ALOXE3: variants seen among roughly 807,000 people sequenced by gnomAD.
The protein encoded by ALOXE3 is arachidonate epidermal lipoxygenase 3, also known as hydroperoxide isomerase ALOXE3.
Under a neutral mutation model 87.5 loss-of-function variants are expected in ALOXE3, and 78 were observed. The observed-to-expected ratio is 0.89, with a 90% CI of 0.74 to 1.08. The LOEUF is 1.08. Ranked by LOEUF, ALOXE3 falls within the 50% of genes least tolerant of loss-of-function variation. ALOXE3 has a pLI of 0.00. For synonymous variants in ALOXE3, 363 were observed against 370.8 expected (o/e 0.98, Z 0.24); for missense variants, 946 against 912.4 (o/e 1.04, Z -0.47).
intron 6 of ALOXE3, among the ~76,000 whole-genome samples, chr17:8,114,046 A>T (rs1325227932): frequency 2.7e-5 from 4 of 147,194 alleles, no homozygotes; most frequent in Non-Finnish European, 4.5e-5. Flanking sequence ...AAAAAAAGTG[A>T]TGTGCCCTGA....
At chr17:8,111,830 C>T (rs1980117672) in intron 7 of ALOXE3, among the ~76,000 whole-genome samples, 1 of 151,124 alleles carries the variant, frequency 6.6e-6, no homozygotes, top group Non-Finnish European at 1.5e-5. Flanking sequence ...GATCAAGATT[C>T]CCTAAATGAC....
chr17:8,110,163 T>A lies in ALOXE3; in HGVS notation c.1234A>T (p.Thr412Ser), dbSNP rs1161912606. ...VHENNTHFLCTHLLCEAFAMA... is the reference protein window; with the variant it reads ...VHENNTHFLCSHLLCEAFAMA... ...GCGAAGGCCTCGCACAGCAAATGCG[T>A]GCACAGAAAGTGCGTGTTGTTTTCG... Residue 412 changes from threonine to serine, a missense_variant, in exon 10 of 16, where the codon ACG becomes TCG. Coordinates refer to ENST00000448843, the MANE Select transcript of ALOXE3 (RefSeq NM_021628.3). The A allele has an allele frequency of 6.2e-7, 1 of 1,614,032 alleles. No individual in the cohort carries two copies. The highest frequency in any genetic ancestry group is 1.7e-5 in the Admixed American group (1 of 60,020).
Position 8,109,291 on chromosome 17 carries a change from G to T in ALOXE3, c.1445C>A (p.Ala482Asp). The T allele has an allele frequency of 1.2e-6, 2 of 1,614,082 alleles. No homozygotes were observed. The highest frequency in any genetic ancestry group is 1.3e-5 in the African/African-American group (1 of 75,060). ...GCAGAAATTGGTGTAGGTGAAGTGG[G>T]CCAGGCCCGTGCTCATGAGGTAGAT... Reference protein sequence around the residue: ...GLIYLMSTGLAHFTYTNFCLP... With the variant: ...GLIYLMSTGLDHFTYTNFCLP... Residue 482 changes from alanine (A) to aspartate (D), a missense_variant, in exon 12 of 16, where the codon GCC (alanine) becomes GAC (aspartate). Transcript: ENST00000448843.
intron 4 of ALOXE3, 86 bp from the exon 5 acceptor site, chr17:8,115,143 A>T: frequency 1.6e-5 from 24 of 1,543,270 alleles, no homozygotes; most frequent in Non-Finnish European, 2.1e-5. Context: ...TCAGATTAAA[A>T]CTTCAAAAAC....
chr17:8,096,641 T>C lies in ALOXE3; in HGVS notation c.2122A>G (p.Ser708Gly). 1 of 1,409,710 alleles carries C rather than the reference T, an allele frequency of 7.1e-7. No homozygotes were observed. The highest frequency in any genetic ancestry group is 1.4e-5 in the African/African-American group (1 of 70,794). 87.3% of individuals were successfully genotyped at this position (1,409,710 alleles called of 1,614,324 possible). The change falls in exon 16 of 16, where the codon AGC becomes GGC. Residue 708 changes from serine (S) to glycine (G), a missense_variant. Physicochemically the swap from Ser to Gly is moderately conservative, Grantham distance 56. Coordinates refer to ENST00000448843, the MANE Select transcript of ALOXE3 (RefSeq NM_021628.3). The part of the protein sequence containing the change: ...TYLDPPLIEN[S>G]VSI Reference sequence around the variant, plus strand: ...TTTGGGGGTGGTTAGATGGAGACGCTGTTCTCAATGAGGGGAGGGTCCAGG... The same window carrying C: ...TTTGGGGGTGGTTAGATGGAGACGCCGTTCTCAATGAGGGGAGGGTCCAGG...
Position 8,101,871 on chromosome 17 carries a change from C to T in ALOXE3, c.1956+1452G>A, listed in dbSNP as rs184506704. Among the ~76,000 whole-genome samples, 1,050 of 152,256 alleles carry T rather than the reference C, an allele frequency of 6.9e-3. 13 individuals are homozygous for T. The highest frequency in any genetic ancestry group is 0.023 in the African/African-American group (970 of 41,556). On this transcript the variant is annotated intron_variant, in intron 15 of 15. Coordinates refer to ENST00000448843, the MANE Select transcript of ALOXE3 (RefSeq NM_021628.3). ...CCTAGGCTGCTCTTGAATTCCTAGG[C>T]TCAAGCAATCCACCGGCCTCAGCCT...
rs1435301763 is a variant in ALOXE3, at chr17:8,114,984, T to G, written c.508A>C (p.Lys170Gln). 6.2e-7 allele frequency: 1 copy of G among 1,614,100 alleles called. No individual in the cohort carries two copies. The highest frequency in any genetic ancestry group is 1.1e-5 in the South Asian group (1 of 91,068). Residue 170 changes from lysine (K) to glutamine (Q), a missense_variant, in exon 5 of 16, where the codon AAA becomes CAA. Coordinates refer to ENST00000448843, the MANE Select transcript of ALOXE3 (RefSeq NM_021628.3). ...NSFQEMESDK[K>Q]FALTKTTTCV... is the part of the protein sequence containing the mutation. Reference sequence around the variant, plus strand: ...GTTGTCGTCTTTGTCAAGGCAAATTTCTTGTCTGACTCCATCTCCTGAAAG... The same window carrying G: ...GTTGTCGTCTTTGTCAAGGCAAATTGCTTGTCTGACTCCATCTCCTGAAAG...
At chr17:8,097,669 G>A (rs978197775) in intron 15 of ALOXE3, among the ~76,000 whole-genome samples, 2 of 151,068 alleles carry the variant, frequency 1.3e-5, no homozygotes, top group Non-Finnish European at 2.9e-5. Context: ...TCACGACAAC[G>A]CAGAGGTCCA....
chr17:8,113,628 G>A (rs185127854), intron 6 of ALOXE3, among the ~76,000 whole-genome samples: 159 of 152,150 alleles, frequency 1.0e-3, no homozygotes, highest in African/African-American at 3.5e-3. Context: ...ACTCCAGCCT[G>A]AGCAACAGAG....
At chr17:8,108,014 A>G (rs566137219) in intron 13 of ALOXE3, among the ~76,000 whole-genome samples, 2 of 73,096 alleles carry the variant, frequency 2.7e-5, no homozygotes, top group East Asian at 2.6e-4. Flanking sequence ...AAAGAAAGAA[A>G]GAAAGAAAGA....
At position 8,109,391 on chromosome 17, in the gene ALOXE3, C is replaced by CT. The variant is rs776788351; in HGVS notation, c.1393-49dup. 5.0e-6 allele frequency: 8 copies of CT among 1,603,394 alleles called. No individual in the cohort carries two copies. In the African/African-American group the frequency reaches 9.4e-5, roughly 19 times the overall value. ...CTCCCGGGCCGGCCCAATCCCCACC[C>CT]TAGTGTCTGGGCACGAGATGGGGCT... On this transcript the variant is annotated intron_variant, in intron 11 of 15. Coordinates refer to ENST00000448843, the MANE Select transcript of ALOXE3 (RefSeq NM_021628.3).
chr17:8,107,791 TCCG>T (rs1979439685), intron 13 of ALOXE3, among the ~76,000 whole-genome samples: 1 of 96,372 alleles, frequency 1.0e-5, no homozygotes, highest in Non-Finnish European at 2.2e-5. Context: ...AGAGGGAGAC[TCCG>T]TCTCAAAAAA....
chr17:8,096,451 C>T lies in ALOXE3; in HGVS notation c.*176G>A. 1 of 641,896 alleles carries T rather than the reference C, an allele frequency of 1.6e-6. No individual in the cohort carries two copies. 39.8% of individuals were successfully genotyped at this position (641,896 alleles called of 1,614,324 possible). On this transcript the variant is annotated 3_prime_UTR_variant, in exon 16 of 16. Coordinates refer to ENST00000448843, the MANE Select transcript of ALOXE3 (RefSeq NM_021628.3). ...ACGCTGCTGTGCTGGTCTCTCACAGCTCAGGGCCCAGTTTGTATGATGTCA... is the reference window on the plus strand; with the variant it reads ...ACGCTGCTGTGCTGGTCTCTCACAGTTCAGGGCCCAGTTTGTATGATGTCA...
Position 8,109,259 on chromosome 17 carries a change from C to T in ALOXE3, c.1477G>A (p.Asp493Asn), listed in dbSNP as rs1215078505. 1.9e-6 allele frequency: 3 copies of T among 1,614,130 alleles called. No individual in the cohort carries two copies. Among genetic ancestry groups the T allele is most frequent in the Non-Finnish European group, 2.5e-6 (3 of 1,180,048 alleles). Residue 493 changes from aspartate to asparagine, a missense_variant, in exon 12 of 16, where the codon GAC (aspartate) becomes AAC (asparagine). By Grantham distance (23) the Asp-to-Asn change is conservative. Coordinates refer to ENST00000448843, the MANE Select transcript of ALOXE3 (RefSeq NM_021628.3). ...HFTYTNFCLPDSLRARGVLAI... is the reference protein window; with the variant it reads ...HFTYTNFCLPNSLRARGVLAI... ...AGGACGCCGCGGGCCCGCAGGCTGT[C>T]CGGAAGGCAGAAATTGGTGTAGGTG...
intron 6 of ALOXE3, among the ~76,000 whole-genome samples, chr17:8,114,148 C>A (rs1191387156): frequency 6.6e-6 from 1 of 152,012 alleles, no homozygotes; most frequent in Non-Finnish European, 1.5e-5. Context: ...CCTAAGCACT[C>A]ACTCACTCAC....
rs1567995908 is a variant in ALOXE3, at chr17:8,107,805, A to AAAAC, written c.1684+662_1684+663insGTTT. Reference sequence around the variant, plus strand: ...CAGAGGGAGACTCCGTCTCAAAAAAAAAAACAAGAAAGAAAGAAAGAAAGA... The same window carrying AAAAC: ...CAGAGGGAGACTCCGTCTCAAAAAAAAAACAAAACAAGAAAGAAAGAAAGAAAGA... On this transcript the variant is annotated intron_variant, in intron 13 of 15. Transcript: ENST00000448843. Among the ~76,000 whole-genome samples the AAAAC allele has an allele frequency of 5.6e-5, 7 of 124,456 alleles. 1 individual carries two copies. Among genetic ancestry groups the AAAAC allele is most frequent in the Non-Finnish European group, 1.0e-4 (6 of 60,260 alleles). 81.6% of individuals were successfully genotyped at this position (124,456 alleles called of 152,430 possible). A position where few individuals can be genotyped will look rare whatever the true frequency, so the allele number is the denominator to read the frequency against.
rs771884203 is a variant in ALOXE3 at position 8,112,141 on chromosome 17, G to A, written c.736C>T (p.Leu246=). Residue 246 remains leucine, a synonymous_variant, in exon 7 of 16, where the codon CTG becomes TTG. Transcript: ENST00000448843. ...CAGAAGATGTTCTGCATGTCATCCA[G>A]CTTCTTCCAGGAGCCCTTGCGATCC... The part of the protein sequence containing the change: ...LLDRKGSWKK[L]DDMQNIFWCH... The A allele has an allele frequency of 6.2e-7, 1 of 1,614,034 alleles. No homozygotes were observed.
intron 5 of ALOXE3, 70 bp downstream of exon 5, chr17:8,114,868 A>G: frequency 6.2e-7 from 1 of 1,605,172 alleles, no homozygotes; most frequent in Non-Finnish European, 8.5e-7. Context: ...CCTGGCTATC[A>G]GGACCCCATC....
chr17:8,099,032 T>C (rs968112723), intron 15 of ALOXE3, among the ~76,000 whole-genome samples: 1 of 149,368 alleles, frequency 6.7e-6, no homozygotes, highest in Non-Finnish European at 1.5e-5. Flanking sequence ...CTTTTTTTTT[T>C]TTTTTTTGGA....
Sources: gnomAD v4.1 joint callset for allele counts (sites outside exome capture counted in the v4.1 genomes callset) on GRCh38, gnomAD v4.1.1 for gene constraint, MANE v1.5 for transcripts, NCBI Gene and HGNC (gene_info 2026-07-23, HGNC 2026-07-21) for gene names.